Variants in COL27A1 observed in about 807,000 individuals in gnomAD.
COL27A1 encodes the protein collagen type XXVII alpha 1 chain, also known as collagen alpha-1(XXVII) chain.
COL27A1 carries 106 observed loss-of-function variants against 251.3 expected under a neutral mutation model. The observed-to-expected ratio is 0.42, with a 90% CI of 0.36 to 0.50. COL27A1 has a LOEUF of 0.50. COL27A1 is among the 20% of genes least tolerant of loss of function. The probability of loss-of-function intolerance (pLI) is 0.00; values close to 1 mark genes in which losing one functional copy is unlikely to be tolerated. For missense variants in COL27A1, 2,325 were observed against 2,522.8 expected (o/e 0.92, Z 1.68); for synonymous variants, 1,000 against 986.3 (o/e 1.01, Z -0.26).
chr9:114,305,478 A>T (rs572799522), intron 57 of COL27A1, among the ~76,000 whole-genome samples: 1 of 152,312 alleles, frequency 6.6e-6, no homozygotes, highest in South Asian at 2.1e-4. Context: ...CCTTAACATG[A>T]TGAAGGAAAG....
chr9:114,288,157 G>T (rs895314680), intron 41 of COL27A1, among the ~76,000 whole-genome samples: 1 of 152,148 alleles, frequency 6.6e-6, no homozygotes, highest in African/African-American at 2.4e-5. Context: ...AGGCCACACG[G>T]CTGGTCCTTT....
Position 114,275,793 on chromosome 9 carries a change from G to T in COL27A1, c.3717+25G>T, listed in dbSNP as rs75872824. The T allele has an allele frequency of 6.1e-6, 9 of 1,469,038 alleles. No individual in the cohort carries two copies. In the South Asian group the frequency reaches 1.1e-4, roughly 18 times the overall value. The allele number at this position is 1,469,038 out of a possible 1,614,324, so 91.0% of individuals were successfully genotyped here. On this transcript the variant is annotated intron_variant, in intron 37 of 60. Coordinates refer to ENST00000356083, the MANE Select transcript of COL27A1 (RefSeq NM_032888.4). ...GGTGAGTGTGCAGGCCCCTTGCAGC[G>T]CCTGGAGCTCTGGGGTACCCTGAAC...
intron 27 of COL27A1, among the ~76,000 whole-genome samples, chr9:114,257,496 C>A (rs999870333): frequency 2.0e-5 from 3 of 152,158 alleles, no homozygotes. Flanking sequence ...GAGTGTCTGT[C>A]GTGCACCTGT....
At chr9:114,265,288 G>A in intron 31 of COL27A1, 134 bp from the exon 32 acceptor site, 1 of 1,112,174 alleles carries the variant, frequency 9.0e-7, no homozygotes, top group Non-Finnish European at 1.3e-6. Flanking sequence ...TCTCTTCTCT[G>A]GGTCTCAGCC....
chr9:114,169,298 GC>G lies in COL27A1; in HGVS notation c.1746del (p.Ser583ValfsTer41). ...TTRPSPRQPQPSQQTTPALVL... is the reference protein window; with the variant it reads ...TTRPSPRQPQXSQQTTPALVL... ...CCAGGCCTAGCCCCAGACAGCCCCA[GC>G]CCAGTCAGCAGACCACCCCGGCCCT... is the stretch of plus-strand genomic sequence containing the variant. On this transcript the variant is annotated frameshift_variant, in exon 3 of 61. Transcript: ENST00000356083. LOFTEE classifies it high-confidence loss of function. 2.5e-6 allele frequency: 4 copies of G among 1,612,678 alleles called. No individual in the cohort carries two copies. The South Asian group carries it at 4.4e-5, about 18-fold the overall frequency.
intron 3 of COL27A1, among the ~76,000 whole-genome samples, chr9:114,170,590 T>G (rs1200752376): frequency 6.6e-6 from 1 of 152,200 alleles, no homozygotes; most frequent in Non-Finnish European, 1.5e-5. Flanking sequence ...GTTTTAATAA[T>G]CATTAGGAAT....
intron 3 of COL27A1, among the ~76,000 whole-genome samples, chr9:114,175,771 C>T (rs1047925046): frequency 1.3e-5 from 2 of 152,222 alleles, no homozygotes; most frequent in African/African-American, 2.4e-5. Context: ...GAAGGAGCTG[C>T]ACCCACGGAG....
At chr9:114,283,894 C>T (rs1836090230) in intron 40 of COL27A1, 132 bp downstream of exon 40, 4 of 896,118 alleles carry the variant, frequency 4.5e-6, no homozygotes, top group Non-Finnish European at 7.0e-6. Flanking sequence ...TGTGGGGTCT[C>T]ACCTGCCCCA....
chr9:114,288,785 G>A (rs202119905), intron 43 of COL27A1, 30 bp downstream of exon 43: 243 of 1,607,372 alleles, frequency 1.5e-4, no homozygotes, highest in Admixed American at 8.5e-4. Flanking sequence ...CCTGCTGGCA[G>A]GATCGGGCAT....
chr9:114,272,101 A>G (rs1227274413), intron 36 of COL27A1: 2 of 152,246 alleles, frequency 1.3e-5, no homozygotes, highest in Non-Finnish European at 2.9e-5. Context: ...GGTCATGGCT[A>G]AAATGCTTTG....
chr9:114,222,402 TG>T (rs1831179170), intron 14 of COL27A1, 135 bp downstream of exon 14: 14 of 367,312 alleles, frequency 3.8e-5, no homozygotes, highest in East Asian at 2.1e-4. Context: ...CCAGAGGGGC[TG>T]GGGGGCCAGG....
chr9:114,196,637 G>A (rs946778099), intron 7 of COL27A1, among the ~76,000 whole-genome samples: 9 of 150,572 alleles, frequency 6.0e-5, no homozygotes, highest in Non-Finnish European at 1.0e-4. Context: ...CTCTGCAGGG[G>A]AAGGGGAAGG....
intron 49 of COL27A1, among the ~76,000 whole-genome samples, chr9:114,299,841 G>T (rs1295751953): frequency 1.3e-5 from 2 of 152,334 alleles, no homozygotes; most frequent in Non-Finnish European, 2.9e-5. Flanking sequence ...GAATCCCTGA[G>T]CCGGGCTCCT....
chr9:114,155,203 A>G (rs1488698373), upstream of COL27A1, among the ~76,000 whole-genome samples: 1 of 151,968 alleles, frequency 6.6e-6, no homozygotes, highest in Non-Finnish European at 1.5e-5. The surrounding 1 kb of genome is among the most constrained non-coding windows in gnomAD (Gnocchi z 5.5). Flanking sequence ...TTCTTCCAGG[A>G]GTAGAATTTG....
intron 37 of COL27A1, among the ~76,000 whole-genome samples, chr9:114,280,802 CT>C (rs1171001096): frequency 6.6e-6 from 1 of 152,218 alleles, no homozygotes; most frequent in African/African-American, 2.4e-5. Flanking sequence ...ATAGCGTCAT[CT>C]TTTCTGGCAT....
chr9:114,215,558 C>T (rs778766368), intron 12 of COL27A1, among the ~76,000 whole-genome samples: 4 of 152,056 alleles, frequency 2.6e-5, no homozygotes, highest in Admixed American at 6.5e-5. Context: ...GTTTAGACCA[C>T]GAGAGAAAGG....
At chr9:114,290,000 C>T in intron 45 of COL27A1, 58 bp from the exon 46 acceptor site, 1 of 1,577,624 alleles carries the variant, frequency 6.3e-7, no homozygotes, top group Non-Finnish European at 8.7e-7. Flanking sequence ...CTTCCAGAGC[C>T]CCTAGGGTCC....
chr9:114,265,899 C>T (rs116771874), intron 32 of COL27A1, among the ~76,000 whole-genome samples: 1,553 of 152,252 alleles, frequency 0.01, 26 homozygotes, highest in African/African-American at 0.036. Context: ...GCTCCAGTCG[C>T]CCAAGGCCAC....
intron 1 of COL27A1, among the ~76,000 whole-genome samples, chr9:114,157,044 G>A (rs1401078099): frequency 6.6e-6 from 1 of 151,418 alleles, no homozygotes; most frequent in Admixed American, 6.6e-5. Context: ...CTGGCTGTTT[G>A]CGATTCCCCC....
Sources: allele counts gnomAD v4.1 joint callset (sites outside exome capture counted in the v4.1 genomes callset), GRCh38; gene constraint gnomAD v4.1.1; non-coding constraint Gnocchi (gnomAD v3.1); transcripts MANE v1.5; gene names NCBI Gene and HGNC (gene_info 2026-07-23, HGNC 2026-07-21).